The following LDB3 variants were observed in gnomAD, a reference collection of about 807,000 sequenced individuals.
The protein encoded by LDB3 is LIM domain binding 3.
A neutral mutation model predicts 69.0 loss-of-function variants in LDB3; 49 were observed. The observed-to-expected ratio is 0.71, with a 90% CI of 0.56 to 0.90. The LOEUF (loss-of-function observed/expected upper bound fraction) is 0.90, where lower values mean the gene tolerates loss of function less well. Ranked by LOEUF, LDB3 falls within the 40% of genes least tolerant of loss-of-function variation. The probability of loss-of-function intolerance (pLI) is 0.00; values close to 1 mark genes in which losing one functional copy is unlikely to be tolerated. For missense variants in LDB3, 928 were observed against 974.1 expected (o/e 0.95, Z 0.63); for synonymous variants, 387 against 396.2 (o/e 0.98, Z 0.28).
intron 6 of LDB3, 46 bp from the exon 7 acceptor site, chr10:86,692,489 G>GC: frequency 6.2e-7 from 1 of 1,601,038 alleles, no homozygotes; most frequent in Non-Finnish European, 8.6e-7. Flanking sequence ...AGCTTTCCTT[G>GC]CTGTGTCTCC....
At chr10:86,729,374 C>A (rs537209216) in intron 13 of LDB3, among the ~76,000 whole-genome samples, 2 of 152,290 alleles carry the variant, frequency 1.3e-5, no homozygotes, top group South Asian at 4.1e-4. Flanking sequence ...GGAAAGGGTC[C>A]GACCTTAGTG....
rs1361510751 is a variant in LDB3, at chr10:86,716,379, C to G, written c.1284C>G (p.Pro428=). The G allele has an allele frequency of 6.2e-7, 1 of 1,607,222 alleles. No homozygotes were observed. The highest frequency in any genetic ancestry group is 2.2e-5 in the East Asian group (1 of 44,722). ...PSPGANYSPT[P]YTPSPAPAYT... Reference sequence around the variant, plus strand: ...CAGGGGCCAATTACAGTCCCACTCCCTACACCCCCTCCCCTGCCCCTGCCT... The same window carrying G: ...CAGGGGCCAATTACAGTCCCACTCCGTACACCCCCTCCCCTGCCCCTGCCT... Residue 428 remains proline (P), a synonymous_variant, in exon 10 of 14, where the codon CCC becomes CCG. Coordinates refer to ENST00000361373, the MANE Select transcript of LDB3 (RefSeq NM_007078.3).
intron 2 of LDB3, among the ~76,000 whole-genome samples, chr10:86,677,049 A>G (rs1844832374): frequency 6.6e-6 from 1 of 152,224 alleles, no homozygotes; most frequent in Non-Finnish European, 1.5e-5. Flanking sequence ...GGATGTGCCC[A>G]GAGAAGCCCA....
rs1845110889 is a variant in LDB3, at chr10:86,681,324, G to C, written c.322-112G>C. ...TGCGCCCAGGCGCTCTGGGCTTCAGGCTGCGGGGCTCGCGCTAACACATCT... is the reference window on the plus strand; with the variant it reads ...TGCGCCCAGGCGCTCTGGGCTTCAGCCTGCGGGGCTCGCGCTAACACATCT... On this transcript the variant is annotated intron_variant, in intron 4 of 13. Transcript: ENST00000361373. The C allele has an allele frequency of 9.9e-6, 15 of 1,511,898 alleles. No homozygotes were observed. In the South Asian group the frequency reaches 1.7e-4, roughly 17 times the overall value. 93.7% of individuals were successfully genotyped at this position (1,511,898 alleles called of 1,614,324 possible).
chr10:86,685,584 C>A lies in LDB3; in HGVS notation c.689+3781C>A, dbSNP rs1845422123. On this transcript the variant is annotated intron_variant, in intron 5 of 13. Coordinates refer to ENST00000361373, the MANE Select transcript of LDB3 (RefSeq NM_007078.3). Reference sequence around the variant, plus strand: ...GCGGTTTGGGCTGGTTCTGCCTCCACAATGACCAGGCTGATGATGGCCCCG... The same window carrying A: ...GCGGTTTGGGCTGGTTCTGCCTCCAAAATGACCAGGCTGATGATGGCCCCG... The A allele has an allele frequency of 2.3e-5, 30 of 1,326,762 alleles. No homozygotes were observed. In the South Asian group the frequency reaches 3.4e-4, roughly 15 times the overall value. The allele number at this position is 1,326,762 out of a possible 1,614,324, so 82.2% of individuals were successfully genotyped here. A position where few individuals can be genotyped will look rare whatever the true frequency, so the allele number is the denominator to read the frequency against.
chr10:86,728,942 A>AT (rs11394900), intron 13 of LDB3, among the ~76,000 whole-genome samples: 37,120 of 145,546 alleles, frequency 0.26, 5,294 homozygotes, highest in East Asian at 0.61. Context: ...GACTTGAGGG[A>AT]TTTTTTTTTT....
intron 12 of LDB3, among the ~76,000 whole-genome samples, 154 bp downstream of exon 12, chr10:86,719,001 T>C (rs1446983986): frequency 6.6e-6 from 1 of 152,182 alleles, no homozygotes; most frequent in East Asian, 1.9e-4. Context: ...AATGGCAGAA[T>C]CATGCTAATA....
At chr10:86,685,713 G>A in intron 5 of LDB3, 3 of 1,614,132 alleles carry the variant, frequency 1.9e-6, no homozygotes, top group Non-Finnish European at 2.5e-6. Flanking sequence ...TAGTATCAAA[G>A]GACAGCATGT....
rs1589663886 is a variant in LDB3 at position 86,706,682 on chromosome 10, A to T, written c.1048A>T (p.Thr350Ser). The part of the protein sequence containing the change: ...AAHTAIASAS[T>S]TAPASSPADS... ...CCACACTGCCATCGCCTCCGCCTCC[A>T]CCACAGCCCCTGCTTCAAGTCCTGC... is the stretch of plus-strand genomic sequence containing the variant. Residue 350 changes from threonine (T) to serine (S), a missense_variant, in exon 8 of 14, where the codon ACC (threonine) becomes TCC (serine). By Grantham distance (58) the Thr-to-Ser change is moderately conservative (BLOSUM62 1). Coordinates refer to ENST00000361373, the MANE Select transcript of LDB3 (RefSeq NM_007078.3). The T allele has an allele frequency of 6.2e-7, 1 of 1,612,448 alleles. No individual in the cohort carries two copies. Among genetic ancestry groups the T allele is most frequent in the Admixed American group, 1.7e-5 (1 of 59,958 alleles).
chr10:86,697,025 A>G (rs543462460), intron 7 of LDB3, among the ~76,000 whole-genome samples: 27 of 152,282 alleles, frequency 1.8e-4, no homozygotes, highest in African/African-American at 5.1e-4. Context: ...AGTATGCAGG[A>G]TTCAAGGGGT....
At chr10:86,701,557 A>T (rs1589658917) in intron 7 of LDB3, among the ~76,000 whole-genome samples, 1 of 152,318 alleles carries the variant, frequency 6.6e-6, no homozygotes, top group South Asian at 2.1e-4. Flanking sequence ...GTGCCTGACT[A>T]CTATGGGTGC....
intron 9 of LDB3, among the ~76,000 whole-genome samples, chr10:86,713,098 A>C (rs892970365): frequency 6.6e-6 from 1 of 151,660 alleles, no homozygotes; most frequent in African/African-American, 2.4e-5. Flanking sequence ...TCAACATATA[A>C]TCAATATAAA....
intron 7 of LDB3, among the ~76,000 whole-genome samples, chr10:86,706,111 T>G (rs1488424297): frequency 3.9e-5 from 6 of 152,204 alleles, no homozygotes; most frequent in African/African-American, 1.2e-4. Flanking sequence ...TTTTGCTGTA[T>G]CATTCCTTCC....
At chr10:86,690,989 C>T (rs897564045) in intron 5 of LDB3, among the ~76,000 whole-genome samples, 3 of 152,208 alleles carry the variant, frequency 2.0e-5, no homozygotes, top group Admixed American at 1.3e-4. Context: ...CTGAGCCCTC[C>T]CAGGCCTCTG....
intron 2 of LDB3, among the ~76,000 whole-genome samples, chr10:86,670,953 C>T (rs559736195): frequency 1.3e-5 from 2 of 152,206 alleles, no homozygotes; most frequent in African/African-American, 2.4e-5. Context: ...CCCTGCCATC[C>T]CACCAGGGCT....
chr10:86,667,678 C>G (rs966828055), upstream of LDB3, among the ~76,000 whole-genome samples: 1 of 152,190 alleles, frequency 6.6e-6, no homozygotes, highest in Non-Finnish European at 1.5e-5. Context: ...TCCATGCTGC[C>G]GTCAAGTTTT....
At chr10:86,687,136 A>G in intron 5 of LDB3, 1 of 1,614,180 alleles carries the variant, frequency 6.2e-7, no homozygotes, top group South Asian at 1.1e-5. Context: ...CCACAAGCCC[A>G]TCGAGGTGAA....
chr10:86,723,005 G>A (rs926020360), intron 12 of LDB3, among the ~76,000 whole-genome samples: 5 of 151,708 alleles, frequency 3.3e-5, no homozygotes, highest in Admixed American at 6.6e-5. Context: ...GGTGGCTCAC[G>A]CCTGTAATCA....
intron 5 of LDB3, among the ~76,000 whole-genome samples, chr10:86,691,012 G>A (rs930410926): frequency 6.6e-5 from 10 of 152,200 alleles, no homozygotes; most frequent in African/African-American, 2.4e-4. Flanking sequence ...AAGGTGGGCT[G>A]GGCGGCTTGG....
Sources: allele counts gnomAD v4.1 joint callset (sites outside exome capture counted in the v4.1 genomes callset), GRCh38; gene constraint gnomAD v4.1.1; transcripts MANE v1.5; gene names NCBI Gene and HGNC (gene_info 2026-07-23, HGNC 2026-07-21).